Variants in OSBPL10 observed in about 807,000 individuals in gnomAD.
The protein encoded by OSBPL10 is oxysterol binding protein like 10.
OSBPL10 carries 49 observed loss-of-function variants against 81.7 expected under a neutral mutation model. The ratio of observed to expected loss-of-function variants is 0.60; its 90% CI spans 0.48 to 0.76. The LOEUF (loss-of-function observed/expected upper bound fraction) is 0.76, where lower values mean the gene tolerates loss of function less well. Ranked by LOEUF, OSBPL10 falls within the 30% of genes least tolerant of loss-of-function variation. The pLI, the probability that OSBPL10 is intolerant of heterozygous loss-of-function variation, is 0.00. For synonymous variants in OSBPL10, 419 were observed against 383.6 expected, an observed-to-expected ratio of 1.09 and a Z score of -1.08; for missense variants, 923 against 987.8, an observed-to-expected ratio of 0.93 and a Z score of 0.88.
intron 7 of OSBPL10, among the ~76,000 whole-genome samples, chr3:31,695,491 G>C (rs1695690264): frequency 6.6e-6 from 1 of 152,024 alleles, no homozygotes; most frequent in Non-Finnish European, 1.5e-5. Flanking sequence ...TCCCAGTATA[G>C]AGTCCCTGGC....
intron 4 of OSBPL10, among the ~76,000 whole-genome samples, chr3:31,772,047 T>G (rs1229025662): frequency 1.3e-5 from 2 of 152,176 alleles, no homozygotes; most frequent in African/African-American, 2.4e-5. Flanking sequence ...TTTTTTTAAG[T>G]CACCAAATCA....
At chr3:31,796,947 G>C (rs907215541) in intron 4 of OSBPL10, among the ~76,000 whole-genome samples, 2 of 151,308 alleles carry the variant, frequency 1.3e-5, no homozygotes, top group African/African-American at 2.4e-5. Context: ...CTTCAAGAGA[G>C]ACTGATGAAC....
chr3:31,993,076 A>T (rs1699050869), intron 2 of OSBPL10, among the ~76,000 whole-genome samples: 1 of 152,170 alleles, frequency 6.6e-6, no homozygotes, highest in Non-Finnish European at 1.5e-5. Context: ...TGAGCCAAAG[A>T]CGGGAAAATA....
chr3:31,797,328 G>T (rs1414138080), intron 4 of OSBPL10, among the ~76,000 whole-genome samples: 1 of 151,906 alleles, frequency 6.6e-6, no homozygotes, highest in Non-Finnish European at 1.5e-5. Context: ...AACTCAAGTT[G>T]AGTATTCAAA....
At chr3:31,908,233 G>A (rs1228191627) in intron 1 of OSBPL10, among the ~76,000 whole-genome samples, 1 of 152,120 alleles carries the variant, frequency 6.6e-6, no homozygotes, top group Non-Finnish European at 1.5e-5. Flanking sequence ...AGGCATGATA[G>A]GGACTGGGGG....
At chr3:32,010,790 T>C (rs911298907) in intron 2 of OSBPL10, among the ~76,000 whole-genome samples, 1 of 152,174 alleles carries the variant, frequency 6.6e-6, no homozygotes. Context: ...CACCAGGAGA[T>C]TACATCCCGT....
At chr3:31,835,788 G>A (rs2125541645) in intron 3 of OSBPL10, among the ~76,000 whole-genome samples, 1 of 152,222 alleles carries the variant, frequency 6.6e-6, no homozygotes, top group East Asian at 1.9e-4. Context: ...ATATGTGAAA[G>A]CTAAGGATAA....
chr3:31,699,560 C>T (rs945271366), intron 7 of OSBPL10, among the ~76,000 whole-genome samples: 2 of 152,206 alleles, frequency 1.3e-5, no homozygotes, highest in Non-Finnish European at 2.9e-5. Flanking sequence ...CTGTGTGGGG[C>T]ACAGTGGAAA....
chr3:31,867,206 C>T (rs1411518249), intron 3 of OSBPL10, among the ~76,000 whole-genome samples: 1 of 152,144 alleles, frequency 6.6e-6, no homozygotes, highest in Non-Finnish European at 1.5e-5. Flanking sequence ...AGATGGGAAA[C>T]CAGGTCATTA....
At chr3:32,027,256 A>G (rs890351131) in intron 2 of OSBPL10, among the ~76,000 whole-genome samples, 4 of 152,044 alleles carry the variant, frequency 2.6e-5, no homozygotes. Context: ...TTCAACTCCC[A>G]CTTATGAGTG....
chr3:31,937,049 T>G (rs575812475), intron 1 of OSBPL10, among the ~76,000 whole-genome samples: 2 of 151,840 alleles, frequency 1.3e-5, no homozygotes, highest in South Asian at 4.2e-4. Context: ...CTTTGGGAGG[T>G]TGAGGCAGGC....
At chr3:31,997,561 T>C (rs1699102368) in intron 2 of OSBPL10, among the ~76,000 whole-genome samples, 1 of 151,826 alleles carries the variant, frequency 6.6e-6, no homozygotes, top group Non-Finnish European at 1.5e-5. Context: ...AGGGCAAACA[T>C]CATTCATTGT....
chr3:32,010,578 T>C (rs1699244596), intron 2 of OSBPL10, among the ~76,000 whole-genome samples: 1 of 152,136 alleles, frequency 6.6e-6, no homozygotes. Context: ...TCACTGGGGA[T>C]TGTCGGACAG....
intron 4 of OSBPL10, among the ~76,000 whole-genome samples, chr3:31,812,822 A>G (rs536370974): frequency 1.9e-4 from 23 of 119,794 alleles, no homozygotes; most frequent in African/African-American, 3.7e-4. Flanking sequence ...AAGAAAGAGA[A>G]AGAAAGAAAG....
chr3:31,970,409 A>G (rs986084964), intron 1 of OSBPL10, among the ~76,000 whole-genome samples: 1 of 152,224 alleles, frequency 6.6e-6, no homozygotes, highest in African/African-American at 2.4e-5. Flanking sequence ...AGTTTTGGCC[A>G]GCATGTCTAT....
At chr3:31,713,669 T>C (rs1696340572) in intron 6 of OSBPL10, among the ~76,000 whole-genome samples, 1 of 152,078 alleles carries the variant, frequency 6.6e-6, no homozygotes, top group Admixed American at 6.6e-5. Context: ...AGTGCTGGGA[T>C]TACAGGCATG....
chr3:31,919,989 C>T (rs1478505033), intron 1 of OSBPL10, among the ~76,000 whole-genome samples: 1 of 152,196 alleles, frequency 6.6e-6, no homozygotes, highest in African/African-American at 2.4e-5. Context: ...TTTCTGTGCC[C>T]TCCAGAGGAG....
In OSBPL10 at chr3:31,856,343, G is replaced by C. The variant is rs72850565; in HGVS notation, c.537+20090C>G. Among the ~76,000 whole-genome samples, 1,326 of 152,268 alleles carry C rather than the reference G, an allele frequency of 8.7e-3. 28 individuals are homozygous for C. Among genetic ancestry groups the C allele is most frequent in the African/African-American group, 0.03 (1,263 of 41,542 alleles). On this transcript the variant is annotated intron_variant, in intron 3 of 11. Transcript: ENST00000396556. ...ACTTAATTTGATGGTATGTTTAGGA[G>C]GGTGATGTTTTACACTTAGTTTTAA...
intron 1 of OSBPL10, among the ~76,000 whole-genome samples, chr3:31,883,285 G>T (rs950461084): frequency 6.6e-6 from 1 of 151,410 alleles, no homozygotes. Context: ...CTTTGCCCAG[G>T]CTAGAGTGCA....
Sources: gnomAD v4.1 joint callset for allele counts (sites outside exome capture counted in the v4.1 genomes callset) on GRCh38, gnomAD v4.1.1 for gene constraint, MANE v1.5 for transcripts, NCBI Gene and HGNC (gene_info 2026-07-23, HGNC 2026-07-21) for gene names.